The following ETV6 variants were observed in gnomAD, a reference collection of about 807,000 sequenced individuals.
ETV6 encodes the protein transcription factor ETV6.
ETV6 carries 16 observed loss-of-function variants against 51.1 expected under a neutral mutation model. The ratio of observed to expected loss-of-function variants is 0.31; its 90% CI spans 0.21 to 0.48. The LOEUF (loss-of-function observed/expected upper bound fraction) is 0.48. Ranked by LOEUF, ETV6 falls within the 20% of genes least tolerant of loss-of-function variation. The pLI is 0.99. For synonymous variants in ETV6, 240 were observed against 224.1 expected (o/e 1.07, Z -0.64); for missense variants, 458 against 594.8 (o/e 0.77, Z 2.39).
intron 2 of ETV6, among the ~76,000 whole-genome samples, chr12:11,775,720 T>A (rs1945313387): frequency 6.6e-6 from 1 of 152,196 alleles, no homozygotes; most frequent in Non-Finnish European, 1.5e-5. Context: ...AGTTTTCCTG[T>A]CGGGTGAGCT....
intron 4 of ETV6, among the ~76,000 whole-genome samples, chr12:11,862,271 C>T (rs1340441553): frequency 2.0e-5 from 3 of 152,130 alleles, no homozygotes; most frequent in African/African-American, 7.2e-5. Flanking sequence ...CAAGGGAGTT[C>T]GGTGACATTG....
At chr12:11,697,526 G>A (rs1400223650) in intron 1 of ETV6, among the ~76,000 whole-genome samples, 1 of 152,202 alleles carries the variant, frequency 6.6e-6, no homozygotes, top group Non-Finnish European at 1.5e-5. Context: ...TAGAGAATAT[G>A]ACCAAGATTA....
At chr12:11,725,422 T>C (rs1865470226) in intron 1 of ETV6, among the ~76,000 whole-genome samples, 1 of 152,208 alleles carries the variant, frequency 6.6e-6, no homozygotes, top group Non-Finnish European at 1.5e-5. Context: ...CTTTTTAACC[T>C]GCTGTTTCAA....
At chr12:11,782,427 GT>G (rs1240003636) in intron 2 of ETV6, among the ~76,000 whole-genome samples, 1 of 152,120 alleles carries the variant, frequency 6.6e-6, no homozygotes, top group Non-Finnish European at 1.5e-5. Flanking sequence ...CAGCTGAAAC[GT>G]TATCTGAAAT....
chr12:11,814,359 A>AT (rs201076244), intron 2 of ETV6, among the ~76,000 whole-genome samples: 118 of 151,294 alleles, frequency 7.8e-4, no homozygotes, highest in African/African-American at 2.6e-3. Flanking sequence ...GTAAAAAAAA[A>AT]TTTTTTTTTT....
At chr12:11,676,919 G>A (rs1307948219) in intron 1 of ETV6, among the ~76,000 whole-genome samples, 1 of 152,236 alleles carries the variant, frequency 6.6e-6, no homozygotes, top group African/African-American at 2.4e-5. Flanking sequence ...GGATTTTGCA[G>A]GACTATTAGC....
At chr12:11,734,433 C>T (rs1591638646) in intron 1 of ETV6, among the ~76,000 whole-genome samples, 1 of 150,984 alleles carries the variant, frequency 6.6e-6, no homozygotes, top group Non-Finnish European at 1.5e-5. Flanking sequence ...ATGACGAAAC[C>T]TCGTCTCTAC....
intron 1 of ETV6, among the ~76,000 whole-genome samples, chr12:11,748,192 A>C (rs928654910): frequency 2.0e-5 from 3 of 152,152 alleles, no homozygotes; most frequent in African/African-American, 4.8e-5. Context: ...TGGCATTTTT[A>C]CCCTAGCTGT....
At chr12:11,824,242 A>G (rs1946122041) in intron 2 of ETV6, among the ~76,000 whole-genome samples, 1 of 152,236 alleles carries the variant, frequency 6.6e-6, no homozygotes, top group African/African-American at 2.4e-5. Flanking sequence ...TCCCACCTTA[A>G]TGGGACTTTT....
At chr12:11,769,806 G>C (rs60956451) in intron 2 of ETV6, among the ~76,000 whole-genome samples, 70 of 152,304 alleles carry the variant, frequency 4.6e-4, no homozygotes, top group Admixed American at 1.4e-3. Flanking sequence ...TATTTACTTC[G>C]TTTGGAAGTA....
At chr12:11,663,248 CA>C (rs35341780) in intron 1 of ETV6, among the ~76,000 whole-genome samples, 5,327 of 152,234 alleles carry the variant, frequency 0.035, 113 homozygotes, top group Admixed American at 0.062. Flanking sequence ...GTACAGCTAC[CA>C]AAGGCTCAAG....
intron 1 of ETV6, among the ~76,000 whole-genome samples, chr12:11,667,310 A>C (rs927465766): frequency 2.0e-5 from 3 of 152,174 alleles, no homozygotes; most frequent in African/African-American, 7.2e-5. Flanking sequence ...CAATGTCTTC[A>C]CTGTTGAGGC....
chr12:11,696,684 C>T (rs1048948252), intron 1 of ETV6, among the ~76,000 whole-genome samples: 2 of 152,076 alleles, frequency 1.3e-5, no homozygotes, highest in Non-Finnish European at 2.9e-5. Flanking sequence ...GGTATGGTAG[C>T]AGGGGCCTGT....
At chr12:11,858,294 T>C (rs936394840) in intron 4 of ETV6, among the ~76,000 whole-genome samples, 2 of 152,162 alleles carry the variant, frequency 1.3e-5, no homozygotes, top group African/African-American at 4.8e-5. Flanking sequence ...ATCAAAGCAG[T>C]AAATGACTAT....
chr12:11,752,309 G>C, intron 1 of ETV6, 141 bp from the exon 2 acceptor site: 1 of 816,324 alleles, frequency 1.2e-6, no homozygotes, highest in Non-Finnish European at 2.0e-6. Flanking sequence ...TACGGAGAGA[G>C]TAAGCCGGAT....
chr12:11,754,381 G>T (rs2856340), intron 2 of ETV6, among the ~76,000 whole-genome samples: 145,469 of 152,234 alleles, frequency 0.96, 69,860 homozygotes, highest in East Asian at 1. Context: ...TATTCCTATA[G>T]ATTGCAACAT....
intron 1 of ETV6, among the ~76,000 whole-genome samples, chr12:11,742,210 T>C (rs1486288310): frequency 6.6e-6 from 1 of 152,242 alleles, no homozygotes. Flanking sequence ...GCACACACAC[T>C]TCTGTATTCC....
chr12:11,668,370 G>A (rs1366402139), intron 1 of ETV6, among the ~76,000 whole-genome samples: 1 of 143,636 alleles, frequency 7.0e-6, no homozygotes, highest in Admixed American at 7.2e-5. Flanking sequence ...ATTGTGATGT[G>A]TGACTTGGTA....
intron 1 of ETV6, among the ~76,000 whole-genome samples, chr12:11,697,744 G>A (rs144030004): frequency 3.9e-5 from 6 of 152,126 alleles, no homozygotes; most frequent in Non-Finnish European, 7.3e-5. Context: ...AAAAATGAAG[G>A]CAGAATCCAC....
Sources: gnomAD v4.1 joint callset for allele counts (sites outside exome capture counted in the v4.1 genomes callset) on GRCh38, gnomAD v4.1.1 for gene constraint, MANE v1.5 for transcripts, NCBI Gene and HGNC (gene_info 2026-07-23, HGNC 2026-07-21) for gene names.